Variants in PAX8 observed in about 807,000 individuals in gnomAD.
PAX8 encodes the protein paired box 8, also known as paired box protein Pax-8.
In PAX8, 15 loss-of-function variants were observed where a neutral mutation model predicts 52.4. The ratio of observed to expected loss-of-function variants is 0.29; its 90% CI spans 0.19 to 0.44. The LOEUF (loss-of-function observed/expected upper bound fraction) is 0.44, where lower values mean the gene tolerates loss of function less well. PAX8 is among the 20% of genes least tolerant of loss of function. PAX8 has a pLI of 1.00. For missense variants in PAX8, 554 were observed against 602.5 expected, an observed-to-expected ratio of 0.92 and a Z score of 0.84; for synonymous variants, 284 against 249.7, an observed-to-expected ratio of 1.14 and a Z score of -1.29.
chr2:113,224,791 AAAAAT>A (rs869195294), intron 10 of PAX8, among the ~76,000 whole-genome samples: 8 of 151,024 alleles, frequency 5.3e-5, no homozygotes, highest in East Asian at 1.9e-4. Flanking sequence ...AGTCAAAACA[AAAAAT>A]AAAATAAAAT....
chr2:113,258,614 C>T (rs980038182), intron 2 of PAX8, among the ~76,000 whole-genome samples: 1 of 152,198 alleles, frequency 6.6e-6, no homozygotes, highest in African/African-American at 2.4e-5. Flanking sequence ...CAAAGGCATT[C>T]GCAGCTCCGC....
rs778281768 is a variant in PAX8 at position 113,246,827 on chromosome 2, G to C, written c.118C>G (p.Gln40Glu). 7.4e-6 allele frequency: 12 copies of C among 1,614,114 alleles called. No individual in the cohort carries two copies. The African/African-American group carries it at 1.6e-4, about 22-fold the overall frequency. Residue 40 changes from glutamine to glutamate, a missense_variant, in exon 3 of 12, where the codon CAG becomes GAG. Physicochemically the swap from Gln to Glu is conservative, Grantham distance 29 (BLOSUM62 2). Around this residue, in one of 2 missense-constraint regions of PAX8, gnomAD observed 109 missense variants for 192.7 expected, o/e 0.57. Transcript: ENST00000429538. ...VRQRIVDLAH[Q>E]GVRPCDISRQ... is the part of the protein sequence containing the mutation. ...GAGATGTCGCAGGGCCTTACACCCT[G>C]GTGGGCCAGGTCTACGATGCGCTGG... is the stretch of plus-strand genomic sequence containing the variant.
Position 113,241,689 on chromosome 2 carries a change from C to G in PAX8, c.639G>C (p.Gln213His). The G allele has an allele frequency of 1.2e-6, 2 of 1,614,194 alleles. No homozygotes were observed. Among genetic ancestry groups the G allele is most frequent in the Non-Finnish European group, 1.7e-6 (2 of 1,180,028 alleles). Residue 213 changes from glutamine (Q) to histidine (H), a missense_variant, in exon 7 of 12, where the codon CAG becomes CAC. Physicochemically the swap from Gln to His is conservative, Grantham distance 24 (BLOSUM62 0). Around this residue, in one of 2 missense-constraint regions of PAX8, gnomAD observed 445 missense variants for 409.9 expected, o/e 1.09. Coordinates refer to ENST00000429538, the MANE Select transcript of PAX8 (RefSeq NM_003466.4). Reference sequence around the variant, plus strand: ...GCTTTCGGGGTCCGCTGCTGCTGCTCTGTGAGTCAATGCTTAGTCGGCAGC... The same window carrying G: ...GCTTTCGGGGTCCGCTGCTGCTGCTGTGTGAGTCAATGCTTAGTCGGCAGC... ...QDSCRLSIDS[Q>H]SSSSGPRKHL...
chr2:113,249,737 G>T (rs1277397049), intron 2 of PAX8, among the ~76,000 whole-genome samples: 1 of 152,138 alleles, frequency 6.6e-6, no homozygotes, highest in Non-Finnish European at 1.5e-5. Flanking sequence ...TGCTGGGAAA[G>T]ATGCATTCAC....
chr2:113,272,871 AT>A (rs1219292725), intron 2 of PAX8: 10 of 152,140 alleles, frequency 6.6e-5, no homozygotes, highest in Admixed American at 6.5e-4. Flanking sequence ...TCAATACTAA[AT>A]TCTATCTCTG....
intron 10 of PAX8, among the ~76,000 whole-genome samples, chr2:113,221,330 G>A (rs777222580): frequency 7.9e-5 from 12 of 152,132 alleles, no homozygotes; most frequent in Non-Finnish European, 1.5e-4. Flanking sequence ...ACTCACCTAC[G>A]ATTGGGAGCT....
chr2:113,266,068 G>A (rs1034044894), intron 2 of PAX8: 7 of 152,308 alleles, frequency 4.6e-5, no homozygotes, highest in Admixed American at 3.3e-4. Context: ...GCCACATGGT[G>A]CAGACTGAGC....
At chr2:113,226,277 T>TG in intron 10 of PAX8, 1 of 985,412 alleles carries the variant, frequency 1.0e-6, no homozygotes, top group Non-Finnish European at 1.2e-6. Context: ...AGGGCTGGCA[T>TG]GGGGGTCACA....
chr2:113,239,441 T>C (rs1455293728), intron 7 of PAX8: 1 of 152,310 alleles, frequency 6.6e-6, no homozygotes, highest in Non-Finnish European at 1.5e-5. Flanking sequence ...ATACTTGTGC[T>C]TCTTTCTTGG....
chr2:113,236,500 C>G, intron 8 of PAX8, 101 bp downstream of exon 8: 14 of 1,358,508 alleles, frequency 1.0e-5, no homozygotes, highest in South Asian at 1.4e-5. Flanking sequence ...CACAGCCCGC[C>G]TCTCCTCTCC....
At position 113,242,056 on chromosome 2, in the gene PAX8, G is replaced by T. The variant is rs767477947; in HGVS notation, c.553C>A (p.Leu185Ile). The T allele has an allele frequency of 5.6e-6, 9 of 1,613,780 alleles. No individual in the cohort carries two copies. In the Middle Eastern group the frequency reaches 4.9e-4, roughly 89 times the overall value. Reference protein sequence around the residue: ...SLGSTYSINGLLGIAQPGSDK... With the variant: ...SLGSTYSINGILGIAQPGSDK... ...CTGCCAGGCTGAGCGATGCCCAGGA[G>T]CCCATTGATGGAGTAGGTGGAGCCC... Residue 185 changes from leucine (L) to isoleucine (I), a missense_variant, in exon 6 of 12, where the codon CTC becomes ATC. Coordinates refer to ENST00000429538, the MANE Select transcript of PAX8 (RefSeq NM_003466.4).
intron 8 of PAX8, chr2:113,235,798 T>TG (rs986228517): frequency 1.8e-6 from 1 of 551,692 alleles, no homozygotes; most frequent in Non-Finnish European, 3.2e-6. Flanking sequence ...GCAGCGAAAA[T>TG]GGAGAGACCC....
intron 3 of PAX8, among the ~76,000 whole-genome samples, chr2:113,245,902 A>T (rs1491586): frequency 6.6e-6 from 1 of 151,924 alleles, no homozygotes; most frequent in Non-Finnish European, 1.5e-5. Context: ...AGGTCCCTTT[A>T]CCTTGTCCAA....
In PAX8 at chr2:113,242,122, A is replaced by T; in HGVS notation, c.487T>A (p.Ser163Thr). ...LSPGHTLIPS[S>T]AVTPPESPQS... ...GGTGACTCCGGGGGAGTTACAGCTG[A>T]GCTGGGGACTGCAGTGGGGGAGAGG... The change falls in exon 6 of 12, where the codon TCA (serine) becomes ACA (threonine). Residue 163 changes from serine (S) to threonine (T), a missense_variant. Ser to Thr is a moderately conservative substitution (Grantham distance 58). Coordinates refer to ENST00000429538, the MANE Select transcript of PAX8 (RefSeq NM_003466.4). 6.2e-7 allele frequency: 1 copy of T among 1,611,068 alleles called. No individual in the cohort carries two copies. Among genetic ancestry groups the T allele is most frequent in the East Asian group, 2.2e-5 (1 of 44,798 alleles).
intron 2 of PAX8, chr2:113,266,502 A>G (rs953321658): frequency 2.6e-5 from 4 of 152,220 alleles, no homozygotes; most frequent in African/African-American, 9.6e-5. Flanking sequence ...TAAATTCTCC[A>G]TGCTGGGGAT....
At chr2:113,273,154 C>A (rs1439281961) in intron 2 of PAX8, 4 of 152,266 alleles carry the variant, frequency 2.6e-5, no homozygotes, top group African/African-American at 9.6e-5. Flanking sequence ...TGAAGACAGA[C>A]CAACTGTGGC....
At chr2:113,250,593 T>A (rs1021409) in intron 2 of PAX8, among the ~76,000 whole-genome samples, 1 of 152,146 alleles carries the variant, frequency 6.6e-6, no homozygotes, top group African/African-American at 2.4e-5. Flanking sequence ...TAGGCCAGGG[T>A]CACACTTTGA....
At chr2:113,239,737 T>C (rs561064629) in intron 7 of PAX8, 9 of 152,336 alleles carry the variant, frequency 5.9e-5, no homozygotes, top group African/African-American at 2.2e-4. Flanking sequence ...ATGCTTTTTT[T>C]TTCAGTCTTC....
intron 2 of PAX8, among the ~76,000 whole-genome samples, chr2:113,261,483 G>A (rs1045742515): frequency 4.6e-5 from 7 of 152,152 alleles, no homozygotes; most frequent in Non-Finnish European, 1.0e-4. Flanking sequence ...CACACAGTGG[G>A]GCCTATGGGC....
Sources: gnomAD v4.1 joint callset for allele counts (sites outside exome capture counted in the v4.1 genomes callset) on GRCh38, gnomAD v4.1.1 for gene constraint, gnomAD v4.1.1 regional missense constraint, MANE v1.5 for transcripts, NCBI Gene and HGNC (gene_info 2026-07-23, HGNC 2026-07-21) for gene names.